CCDC25: variants seen among roughly 807,000 people sequenced by gnomAD.
CCDC25 encodes coiled-coil domain-containing protein 25.
In CCDC25, 16 loss-of-function variants were observed where a neutral mutation model predicts 35.3. That is an observed-to-expected ratio of 0.45 (90% CI 0.31 to 0.69). CCDC25 has a LOEUF of 0.69. Among genes scored for constraint, CCDC25 ranks in the 30% least tolerant of loss-of-function variants. The pLI is 0.06. For missense variants in CCDC25, 179 were observed against 250.7 expected (o/e 0.71, Z 1.93); for synonymous variants, 79 against 80.3 (o/e 0.98, Z 0.09).
At chr8:27,766,634 A>G (rs951044938) in intron 1 of CCDC25, among the ~76,000 whole-genome samples, 1 of 152,176 alleles carries the variant, frequency 6.6e-6, no homozygotes, top group Non-Finnish European at 1.5e-5. Flanking sequence ...TTTTCTCTGC[A>G]TGGCCTGGCA....
At chr8:27,760,244 T>C (rs932985072) in intron 3 of CCDC25, among the ~76,000 whole-genome samples, 12 of 152,206 alleles carry the variant, frequency 7.9e-5, no homozygotes, top group Non-Finnish European at 1.6e-4. Context: ...AAATTTCTCT[T>C]CCATTTATTT....
At chr8:27,738,090 C>G (rs140953103) in intron 8 of CCDC25, among the ~76,000 whole-genome samples, 9 of 151,762 alleles carry the variant, frequency 5.9e-5, no homozygotes, top group Non-Finnish European at 4.4e-5. Context: ...AAGAATGATA[C>G]GATGGACTTT....
intron 8 of CCDC25, among the ~76,000 whole-genome samples, chr8:27,739,614 G>A (rs796136555): frequency 5.3e-5 from 8 of 152,218 alleles, no homozygotes; most frequent in Admixed American, 1.3e-4. Context: ...TAGAGATAAA[G>A]TATATGGAAG....
intron 5 of CCDC25, among the ~76,000 whole-genome samples, chr8:27,751,066 A>G (rs1803785041): frequency 6.6e-6 from 1 of 152,212 alleles, no homozygotes; most frequent in Non-Finnish European, 1.5e-5. Flanking sequence ...GCTGAAGAGG[A>G]GAGAAACAGT....
intron 4 of CCDC25, among the ~76,000 whole-genome samples, chr8:27,755,188 C>T (rs563572207): frequency 6.6e-6 from 1 of 152,278 alleles, no homozygotes; most frequent in South Asian, 2.1e-4. Context: ...TGGAGAAATG[C>T]CCCATTCTAG....
Position 27,748,221 on chromosome 8 carries a change from G to A in CCDC25, c.407C>T (p.Thr136Ile), listed in dbSNP as rs149137907. Reference sequence around the variant, plus strand: ...TAGGTCTGGGAACCGCTCGACTTTGGTCTTTTCTAATCGGTTCAGGATCTC... The same window carrying A: ...TAGGTCTGGGAACCGCTCGACTTTGATCTTTTCTAATCGGTTCAGGATCTC... ...VNEILNRLEK[T>I]KVERFPDLAA... The change falls in exon 7 of 9, where the codon ACC becomes ATC. Residue 136 changes from threonine to isoleucine, a missense_variant. By Grantham distance (89) the Thr-to-Ile change is moderately conservative. Coordinates refer to ENST00000356537, the MANE Select transcript of CCDC25 (RefSeq NM_018246.3). 10 of 1,613,808 alleles carry A rather than the reference G, an allele frequency of 6.2e-6. No individual in the cohort carries two copies. The highest frequency in any genetic ancestry group is 1.6e-4 in the Middle Eastern group (1 of 6,084).
At chr8:27,749,341 T>C (rs1803716286) in intron 5 of CCDC25, among the ~76,000 whole-genome samples, 1 of 152,218 alleles carries the variant, frequency 6.6e-6, no homozygotes, top group Non-Finnish European at 1.5e-5. Context: ...ATTTCAATGC[T>C]TATTAAATCC....
intron 7 of CCDC25, 81 bp downstream of exon 7, chr8:27,747,996 C>G (rs1335551231): frequency 1.5e-6 from 2 of 1,347,138 alleles, no homozygotes; most frequent in Non-Finnish European, 2.1e-6. Flanking sequence ...ACCAATATAT[C>G]GTTCTTAATG....
intron 1 of CCDC25, among the ~76,000 whole-genome samples, chr8:27,767,654 C>T (rs533554974): frequency 2.6e-4 from 40 of 152,258 alleles, no homozygotes; most frequent in Admixed American, 6.5e-4. Context: ...TTTTTTGTTA[C>T]AAATACATCA....
At chr8:27,765,104 C>A in intron 2 of CCDC25, 100 bp downstream of exon 2, 1 of 1,155,162 alleles carries the variant, frequency 8.7e-7, no homozygotes, top group East Asian at 2.9e-5. Context: ...TAGGTGAAAA[C>A]TCAGAACCAA....
At chr8:27,771,801 G>A (rs905082364) in intron 1 of CCDC25, 9 of 152,154 alleles carry the variant, frequency 5.9e-5, no homozygotes, top group African/African-American at 2.2e-4. Flanking sequence ...TGGAAAAGAT[G>A]GGCCAAAACT....
Position 27,748,103 on chromosome 8 carries a change from C to G in CCDC25, c.525G>C (p.Lys175Asn). ...TAAGTTCATCCATTTCCCTCTTCTT[C>G]TTCATTTCTTCTTTTTCTCTCTTTT... ...EMKKREKEEM[K>N]KKREMDELRS... Residue 175 changes from lysine (K) to asparagine (N), a missense_variant, in exon 7 of 9, where the codon AAG becomes AAC. Lys to Asn is a moderately conservative substitution (Grantham distance 94). Transcript: ENST00000356537. The G allele has an allele frequency of 2.5e-6, 4 of 1,612,198 alleles. No homozygotes were observed. Among genetic ancestry groups the G allele is most frequent in the Non-Finnish European group, 3.4e-6 (4 of 1,179,764 alleles).
At chr8:27,770,928 G>A (rs943568329) in intron 1 of CCDC25, among the ~76,000 whole-genome samples, 8 of 152,088 alleles carry the variant, frequency 5.3e-5, no homozygotes, top group African/African-American at 1.9e-4. Context: ...CTTATCTGTG[G>A]GGGATGTCTT....
chr8:27,755,538 C>T (rs961181419), intron 4 of CCDC25, among the ~76,000 whole-genome samples: 6 of 152,164 alleles, frequency 3.9e-5, no homozygotes, highest in African/African-American at 1.4e-4. Context: ...TTCCATCCTC[C>T]ACTTCCTTGA....
At chr8:27,749,814 T>G (rs1803731168) in intron 5 of CCDC25, among the ~76,000 whole-genome samples, 1 of 152,222 alleles carries the variant, frequency 6.6e-6, no homozygotes, top group Non-Finnish European at 1.5e-5. Flanking sequence ...GTCCATGTTC[T>G]TCAGAAGGAC....
At chr8:27,764,923 T>C (rs1486001123) in intron 2 of CCDC25, among the ~76,000 whole-genome samples, 2 of 152,234 alleles carry the variant, frequency 1.3e-5, no homozygotes, top group African/African-American at 4.8e-5. Context: ...TGTGATTTAA[T>C]GGTGAAGCAG....
chr8:27,750,534 T>A (rs1373975234), intron 5 of CCDC25, among the ~76,000 whole-genome samples: 1 of 152,188 alleles, frequency 6.6e-6, no homozygotes, highest in Non-Finnish European at 1.5e-5. Context: ...TGGACTCTGA[T>A]GACTGACAAA....
intron 8 of CCDC25, among the ~76,000 whole-genome samples, chr8:27,739,947 T>C (rs1249179449): frequency 6.6e-6 from 1 of 152,200 alleles, no homozygotes; most frequent in East Asian, 1.9e-4. Context: ...AGAAGATCCT[T>C]TCAGTACTAT....
At position 27,737,155 on chromosome 8, in the gene CCDC25, G is replaced by A. The variant is rs1349978422; in HGVS notation, c.598-910C>T. Among the ~76,000 whole-genome samples the A allele has an allele frequency of 3.3e-5, 5 of 152,090 alleles. No individual in the cohort carries two copies. Among genetic ancestry groups the A allele is most frequent in the African/African-American group, 1.2e-4 (5 of 41,398 alleles). On this transcript the variant is annotated intron_variant, in intron 8 of 8. Transcript: ENST00000356537. This position sits in a 1 kb window ranked among gnomAD's most constrained non-coding sequence, Gnocchi z 4.6. ...ACTTCACTTAGTGGTTTTCTCTGTG[G>A]TTCTCTTCCATTAGCACGATGAACT... is the stretch of plus-strand genomic sequence containing the variant.
Sources: gnomAD v4.1 joint callset for allele counts (sites outside exome capture counted in the v4.1 genomes callset) on GRCh38, gnomAD v4.1.1 for gene constraint, Gnocchi (gnomAD v3.1) non-coding constraint, MANE v1.5 for transcripts, NCBI Gene and HGNC (gene_info 2026-07-23, HGNC 2026-07-21) for gene names.